Variants in DYNC1I2 observed in about 807,000 individuals in gnomAD.
The protein encoded by DYNC1I2 is cytoplasmic dynein 1 intermediate chain 2.
A neutral mutation model predicts 88.6 loss-of-function variants in DYNC1I2; 53 were observed. That is an observed-to-expected ratio of 0.60 (90% CI 0.48 to 0.75). DYNC1I2 has a LOEUF of 0.75. Ranked by LOEUF, DYNC1I2 falls within the 30% of genes least tolerant of loss-of-function variation. The pLI is 0.00. For missense variants in DYNC1I2, 458 were observed against 766.6 expected, an observed-to-expected ratio of 0.60 and a Z score of 4.75; for synonymous variants, 198 against 254.6, an observed-to-expected ratio of 0.78 and a Z score of 2.12.
At chr2:171,733,084 A>G (rs1032387482) in intron 15 of DYNC1I2, among the ~76,000 whole-genome samples, 2 of 152,174 alleles carry the variant, frequency 1.3e-5, no homozygotes, top group Admixed American at 6.5e-5. Context: ...ATAAGTGAGA[A>G]CATGTGGTAT....
At chr2:171,724,372 C>T (rs566824340) in intron 7 of DYNC1I2, among the ~76,000 whole-genome samples, 97 of 152,274 alleles carry the variant, frequency 6.4e-4, no homozygotes, top group African/African-American at 2.2e-3. Context: ...TGTCTTTAGG[C>T]CTCCTGGAGT....
At chr2:171,712,662 T>G in intron 5 of DYNC1I2, 105 bp from the exon 6 acceptor site, 1 of 812,908 alleles carries the variant, frequency 1.2e-6, no homozygotes, top group Non-Finnish European at 2.0e-6. Context: ...ATGTGTTTTT[T>G]AATTGTGAAT....
intron 15 of DYNC1I2, among the ~76,000 whole-genome samples, chr2:171,732,872 T>G (rs1688719570): frequency 6.6e-6 from 1 of 152,182 alleles, no homozygotes; most frequent in Non-Finnish European, 1.5e-5. Context: ...TTTTAAAACT[T>G]TTATTTTACA....
chr2:171,694,627 A>C (rs1198617149), intron 3 of DYNC1I2, among the ~76,000 whole-genome samples: 3 of 152,160 alleles, frequency 2.0e-5, no homozygotes, highest in Non-Finnish European at 4.4e-5. Context: ...ATTGCACTCC[A>C]GTGTGGGCAA....
At chr2:171,717,785 A>T (rs568765178) in intron 7 of DYNC1I2, among the ~76,000 whole-genome samples, 30 of 152,334 alleles carry the variant, frequency 2.0e-4, no homozygotes, top group African/African-American at 7.0e-4. Flanking sequence ...CTCATTTAAA[A>T]AAATAAATTA....
chr2:171,688,894 A>C lies in DYNC1I2; in HGVS notation c.-9-1253A>C, dbSNP rs200192754. The stretch of plus-strand genomic sequence containing the variant: ...GTTTTCTTGATCTAAAGCATTTAAT[A>C]CTTCACTTGTACAGAGACATTGAAA... On this transcript the variant is annotated intron_variant, in intron 1 of 17. Transcript: ENST00000397119. 4.6e-5 allele frequency among the ~76,000 whole-genome samples: 7 copies of C among 152,308 alleles called. No homozygotes were observed. The East Asian group carries it at 1.4e-3, about 29-fold the overall frequency.
At chr2:171,693,094 A>G (rs1685511828) in intron 3 of DYNC1I2, 200 bp downstream of exon 3, 2 of 533,812 alleles carry the variant, frequency 3.7e-6, no homozygotes, top group Admixed American at 3.3e-5. Flanking sequence ...TGCAAGAGTA[A>G]TTATTAACAT....
intron 3 of DYNC1I2, chr2:171,693,103 A>G (rs779208644): frequency 4.8e-5 from 25 of 522,016 alleles, no homozygotes; most frequent in Non-Finnish European, 6.6e-5. Context: ...AATTATTAAC[A>G]TATACTGAAC....
chr2:171,703,940 C>T (rs1225155561), intron 3 of DYNC1I2, among the ~76,000 whole-genome samples: 1 of 152,150 alleles, frequency 6.6e-6, no homozygotes, highest in Non-Finnish European at 1.5e-5. Context: ...ACCAACACTC[C>T]CATTCCCTAC....
chr2:171,746,920 G>A (rs1295969980), intron 17 of DYNC1I2, among the ~76,000 whole-genome samples: 7 of 151,922 alleles, frequency 4.6e-5, no homozygotes, highest in Admixed American at 2.0e-4. Context: ...GGGGCCGGGC[G>A]CAGTGGCTCA....
At chr2:171,727,078 A>G (rs117676565) in intron 11 of DYNC1I2, among the ~76,000 whole-genome samples, 162 bp downstream of exon 11, 1 of 152,178 alleles carries the variant, frequency 6.6e-6, no homozygotes, top group Non-Finnish European at 1.5e-5. Context: ...AAAACTGAAG[A>G]CTTCTCAGTT....
intron 3 of DYNC1I2, among the ~76,000 whole-genome samples, chr2:171,703,222 C>T (rs1559370264): frequency 6.6e-6 from 1 of 152,192 alleles, no homozygotes; most frequent in Non-Finnish European, 1.5e-5. Flanking sequence ...AGGACAACAA[C>T]TAAATCGTAT....
intron 7 of DYNC1I2, among the ~76,000 whole-genome samples, chr2:171,721,144 AAAAG>A (rs1241688203): frequency 3.3e-5 from 5 of 150,952 alleles, no homozygotes; most frequent in African/African-American, 9.7e-5. Context: ...AAAAAAAAAA[AAAAG>A]AACTACAGAG....
intron 4 of DYNC1I2, chr2:171,706,857 ATAAC>A (rs1392948206): frequency 7.3e-6 from 3 of 410,256 alleles, no homozygotes; most frequent in African/African-American, 6.2e-5. Flanking sequence ...TAGAGATTAA[ATAAC>A]TTAATGAAAC....
chr2:171,728,512 A>G (rs975827910), intron 13 of DYNC1I2, 94 bp downstream of exon 13: 5 of 855,030 alleles, frequency 5.8e-6, no homozygotes, highest in Non-Finnish European at 8.9e-6. Context: ...ACTGTTTTAT[A>G]GTAGTGTTAC....
chr2:171,734,984 A>G (rs1194868965), intron 15 of DYNC1I2, among the ~76,000 whole-genome samples: 1 of 152,234 alleles, frequency 6.6e-6, no homozygotes, highest in African/African-American at 2.4e-5. Flanking sequence ...CACACTCATG[A>G]ATTTAACAGA....
intron 14 of DYNC1I2, among the ~76,000 whole-genome samples, chr2:171,729,056 T>A (rs1215719232): frequency 6.6e-6 from 1 of 152,152 alleles, no homozygotes; most frequent in Non-Finnish European, 1.5e-5. Flanking sequence ...TTTTGTGGGT[T>A]GTGGTTTTGT....
intron 6 of DYNC1I2, among the ~76,000 whole-genome samples, chr2:171,714,097 T>C (rs1687318170): frequency 6.6e-6 from 1 of 152,178 alleles, no homozygotes; most frequent in African/African-American, 2.4e-5. Context: ...ATCTTAAAAA[T>C]CAGAATATAA....
At chr2:171,719,597 G>T (rs1020999470) in intron 7 of DYNC1I2, among the ~76,000 whole-genome samples, 1 of 152,126 alleles carries the variant, frequency 6.6e-6, no homozygotes, top group Non-Finnish European at 1.5e-5. Flanking sequence ...TAAAATCCAT[G>T]CCTACAGAAA....
Sources: gnomAD v4.1 joint callset for allele counts (sites outside exome capture counted in the v4.1 genomes callset) on GRCh38, gnomAD v4.1.1 for gene constraint, MANE v1.5 for transcripts, NCBI Gene and HGNC (gene_info 2026-07-23, HGNC 2026-07-21) for gene names.